Variants in CTDSPL observed in about 807,000 individuals in gnomAD.
CTDSPL encodes the protein CTD small phosphatase like, also known as CTD small phosphatase-like protein.
In CTDSPL, 8 loss-of-function variants were observed where a neutral mutation model predicts 30.5. The ratio of observed to expected loss-of-function variants is 0.26; its 90% confidence interval spans 0.15 to 0.47. CTDSPL has a LOEUF of 0.47. Ranked by LOEUF, CTDSPL falls within the 20% of genes least tolerant of loss-of-function variation. The pLI is 0.99. For synonymous variants in CTDSPL, 110 were observed against 137.9 expected (o/e 0.80, Z 1.42); for missense variants, 248 against 366.1 (o/e 0.68, Z 2.63).
chr3:37,935,341 CTTG>C (rs141666129), intron 1 of CTDSPL, among the ~76,000 whole-genome samples: 16,708 of 151,946 alleles, frequency 0.11, 1,228 homozygotes, highest in South Asian at 0.21. Context: ...AAAACGGGGC[CTTG>C]TTGTTTAAAC....
chr3:37,982,673 C>T lies in CTDSPL; in HGVS notation c.*1806C>T. On this transcript the variant is annotated 3_prime_UTR_variant, in exon 8 of 8. Coordinates refer to ENST00000273179, the MANE Select transcript of CTDSPL (RefSeq NM_001008392.2). ...GTATTCAGGGGGTAAACAGGTCTCCCAGCATTCTGAGTGTTCCAAACCAGT... is the reference window on the plus strand; with the variant it reads ...GTATTCAGGGGGTAAACAGGTCTCCTAGCATTCTGAGTGTTCCAAACCAGT... 1 of 456,632 alleles carries T rather than the reference C, an allele frequency of 2.2e-6. No individual in the cohort carries two copies. Among genetic ancestry groups the T allele is most frequent in the Non-Finnish European group, 4.4e-6 (1 of 226,912 alleles). 28.3% of individuals were successfully genotyped at this position (456,632 alleles called of 1,614,324 possible). A position where few individuals can be genotyped will look rare whatever the true frequency, so the allele number is the denominator to read the frequency against.
intron 1 of CTDSPL, among the ~76,000 whole-genome samples, chr3:37,927,682 G>A (rs60915263): frequency 0.12 from 12,227 of 100,042 alleles, 951 homozygotes; most frequent in African/African-American, 0.31. Context: ...GTGTGTGTAT[G>A]TGTATATATA....
rs546177690 is a variant in CTDSPL at position 37,925,941 on chromosome 3, T to G, written c.80-21116T>G. Among the ~76,000 whole-genome samples, 3 of 152,312 alleles carry G rather than the reference T, an allele frequency of 2.0e-5. No homozygotes were observed. The South Asian group carries it at 6.2e-4, about 32-fold the overall frequency. On this transcript the variant is annotated intron_variant, in intron 1 of 7. Transcript: ENST00000273179. ...TGTGACGTACTCTATATTTTACATG[T>G]TTATTTATTGTGTCTCTCTTCCCGC...
chr3:37,966,381 C>T (rs1699298648), intron 4 of CTDSPL, among the ~76,000 whole-genome samples: 1 of 152,232 alleles, frequency 6.6e-6, no homozygotes, highest in Admixed American at 6.5e-5. Context: ...TGCATAGGTT[C>T]ATGGATCCCA....
chr3:37,959,722 T>C (rs2125628270), intron 3 of CTDSPL, among the ~76,000 whole-genome samples: 1 of 152,356 alleles, frequency 6.6e-6, no homozygotes, highest in Middle Eastern at 3.4e-3. Context: ...GATAGTTCTT[T>C]GTGATCAGTT....
chr3:37,947,594 T>C (rs1699054704), intron 2 of CTDSPL, among the ~76,000 whole-genome samples: 2 of 152,250 alleles, frequency 1.3e-5, no homozygotes, highest in South Asian at 4.1e-4. Flanking sequence ...GAATATGTGA[T>C]AGTATGTGTA....
chr3:37,933,855 A>G (rs555637350), intron 1 of CTDSPL, among the ~76,000 whole-genome samples: 1 of 152,332 alleles, frequency 6.6e-6, no homozygotes, highest in East Asian at 1.9e-4. Context: ...TGTATTATAT[A>G]TTTTATTTTG....
chr3:37,946,478 C>G (rs1450819891), intron 1 of CTDSPL, among the ~76,000 whole-genome samples: 2 of 152,190 alleles, frequency 1.3e-5, no homozygotes, highest in African/African-American at 4.8e-5. Flanking sequence ...GATCCAGGCC[C>G]CCACCAACTT....
At chr3:37,968,486 G>A (rs996726567) in intron 5 of CTDSPL, 18 of 237,680 alleles carry the variant, frequency 7.6e-5, no homozygotes, top group South Asian at 4.7e-4. Flanking sequence ...AAGCTCTTCC[G>A]GAAATAACTT....
intron 1 of CTDSPL, among the ~76,000 whole-genome samples, chr3:37,891,363 C>T (rs551541381): frequency 4.1e-4 from 62 of 152,334 alleles, no homozygotes; most frequent in African/African-American, 1.5e-3. Context: ...TCTCTGTACC[C>T]TACTTCTGTT....
Position 37,975,334 on chromosome 3 carries a change from C to G in CTDSPL, c.520-375C>G, listed in dbSNP as rs1699412794. On this transcript the variant is annotated intron_variant, in intron 6 of 7. Transcript: ENST00000273179. The surrounding 1 kb of genome is among the most constrained non-coding windows in gnomAD (Gnocchi z 4.9). ...GATGGCACATATGTTTTCCAGTGGC[C>G]ACTCTGACAGCTTCTAGGTGAATGG... is the stretch of plus-strand genomic sequence containing the variant. Among the ~76,000 whole-genome samples the G allele has an allele frequency of 6.6e-6, 1 of 152,160 alleles. No homozygotes were observed. The highest frequency in any genetic ancestry group is 1.5e-5 in the Non-Finnish European group (1 of 68,030).
At chr3:37,872,369 A>G (rs73056955) in intron 1 of CTDSPL, among the ~76,000 whole-genome samples, 6,226 of 151,898 alleles carry the variant, frequency 0.041, 173 homozygotes, top group Middle Eastern at 0.058. Flanking sequence ...TCTTCGTATA[A>G]TAAGCAAATT....
chr3:37,914,870 G>GTTTTT (rs1266252934), intron 1 of CTDSPL, among the ~76,000 whole-genome samples: 36 of 71,744 alleles, frequency 5.0e-4, no homozygotes, highest in Non-Finnish European at 6.3e-4. Flanking sequence ...AGATATATAT[G>GTTTTT]TTCTTTTTTT....
intron 2 of CTDSPL, among the ~76,000 whole-genome samples, chr3:37,948,506 A>T (rs1699068777): frequency 6.6e-6 from 1 of 152,224 alleles, no homozygotes; most frequent in Non-Finnish European, 1.5e-5. Context: ...AGCAAAGGAC[A>T]CAAACAGGTA....
chr3:37,885,213 C>T (rs1201029619), intron 1 of CTDSPL, among the ~76,000 whole-genome samples: 1 of 152,104 alleles, frequency 6.6e-6, no homozygotes, highest in Non-Finnish European at 1.5e-5. Flanking sequence ...TATGGGTATC[C>T]AAGAGGCCAA....
chr3:37,969,329 G>A (rs1699336812), intron 5 of CTDSPL: 1 of 478,406 alleles, frequency 2.1e-6, no homozygotes, highest in African/African-American at 2.0e-5. Flanking sequence ...CCCAGGGCTG[G>A]GGTCAGAAAT....
intron 1 of CTDSPL, among the ~76,000 whole-genome samples, chr3:37,915,315 G>T (rs1348445336): frequency 6.6e-6 from 1 of 151,900 alleles, no homozygotes; most frequent in Non-Finnish European, 1.5e-5. Context: ...TCTATTTGGG[G>T]TTTATCCATT....
At chr3:37,980,341 G>A (rs532804043) in intron 7 of CTDSPL, among the ~76,000 whole-genome samples, 11 of 152,210 alleles carry the variant, frequency 7.2e-5, no homozygotes, top group South Asian at 2.1e-4. Context: ...TGAGCTCCGC[G>A]CTGTCAGTGG....
chr3:37,877,020 C>A (rs558988323), intron 1 of CTDSPL, among the ~76,000 whole-genome samples: 2 of 150,998 alleles, frequency 1.3e-5, no homozygotes, highest in Non-Finnish European at 2.9e-5. Context: ...GAAGGAGAAT[C>A]GCTTGAACCC....
Sources: allele counts gnomAD v4.1 joint callset (sites outside exome capture counted in the v4.1 genomes callset), GRCh38; gene constraint gnomAD v4.1.1; non-coding constraint Gnocchi (gnomAD v3.1); transcripts MANE v1.5; gene names NCBI Gene and HGNC (gene_info 2026-07-23, HGNC 2026-07-21).